Variants in RNF141 observed in about 807,000 individuals in gnomAD.
RNF141 encodes C3HC4-like zinc finger protein.
Under a neutral mutation model 27.4 loss-of-function variants are expected in RNF141, and 18 were observed. The observed-to-expected ratio is 0.66, with a 90% confidence interval of 0.45 to 0.97. The LOEUF (loss-of-function observed/expected upper bound fraction) is 0.97, where lower values mean the gene tolerates loss of function less well. Among genes scored for constraint, RNF141 ranks in the 50% least tolerant of loss-of-function variants. The pLI is 0.00. For missense variants in RNF141, 230 were observed against 279.4 expected (o/e 0.82, Z 1.26); for synonymous variants, 97 against 96.6 (o/e 1.00, Z -0.02).
Position 10,514,829 on chromosome 11 carries a change from G to T in RNF141, c.*87C>A. On this transcript the variant is annotated 3_prime_UTR_variant, in exon 6 of 6. Transcript: ENST00000265981. ...GAGTGGGGAAAATGGATTTTCCTGT[G>T]TCTGTGCCAGTGCCACAACCCTACA... The T allele has an allele frequency of 7.8e-7, 1 of 1,276,508 alleles. No individual in the cohort carries two copies. The highest frequency in any genetic ancestry group is 1.1e-6 in the Non-Finnish European group (1 of 937,048). The allele number at this position is 1,276,508 out of a possible 1,614,324, so 79.1% of individuals were successfully genotyped here. A position where few individuals can be genotyped will look rare whatever the true frequency, so the allele number is the denominator to read the frequency against.
chr11:10,534,778 T>G (rs1000635151), intron 1 of RNF141, among the ~76,000 whole-genome samples: 1 of 152,136 alleles, frequency 6.6e-6, no homozygotes, highest in Non-Finnish European at 1.5e-5. Flanking sequence ...GTACTTACAT[T>G]CTTATCCACT....
chr11:10,517,612 C>T (rs978587534), intron 5 of RNF141: 2 of 151,804 alleles, frequency 1.3e-5, no homozygotes, highest in African/African-American at 4.8e-5. Context: ...ACCTTAAAAA[C>T]AGAGGGAAAA....
intron 4 of RNF141, among the ~76,000 whole-genome samples, chr11:10,524,292 G>T (rs1203911158): frequency 1.3e-5 from 2 of 152,144 alleles, no homozygotes; most frequent in Non-Finnish European, 2.9e-5. Context: ...GCGGGCGCCT[G>T]TAGTCCCAGC....
chr11:10,515,346 A>G (rs1849835027), intron 5 of RNF141: 1 of 332,136 alleles, frequency 3.0e-6, no homozygotes, highest in East Asian at 5.6e-5. Context: ...CCACTTGTCA[A>G]TATATCTTAC....
chr11:10,515,043 G>C lies in RNF141; in HGVS notation c.566C>G (p.Pro189Arg). The C allele has an allele frequency of 6.2e-7, 1 of 1,613,676 alleles. No homozygotes were observed. Among genetic ancestry groups the C allele is most frequent in the Non-Finnish European group, 8.5e-7 (1 of 1,179,836 alleles). ...DKWSDRHRNC[P>R]ICRLQMTGAN... is the part of the protein sequence containing the mutation. ...TCCAGTCATCTGTAGGCGACAAATA[G>C]GGCAATTCCTGTGTCGATCACTCCT... Residue 189 changes from proline to arginine, a missense_variant, in exon 6 of 6, where the codon CCT becomes CGT. Physicochemically the swap from Pro to Arg is moderately radical, Grantham distance 103. Coordinates refer to ENST00000265981, the MANE Select transcript of RNF141 (RefSeq NM_016422.4).
rs535850672 is a variant in RNF141, at chr11:10,512,957, C to G, written c.*1959G>C. 7 of 152,240 alleles carry G rather than the reference C, an allele frequency of 4.6e-5. No individual in the cohort carries two copies. Among genetic ancestry groups the G allele is most frequent in the East Asian group, 3.9e-4 (2 of 5,186 alleles). 9.4% of individuals were successfully genotyped at this position (152,240 alleles called of 1,614,324 possible). On this transcript the variant is annotated 3_prime_UTR_variant, in exon 6 of 6. Coordinates refer to ENST00000265981, the MANE Select transcript of RNF141 (RefSeq NM_016422.4). ...GGGGTATAGGGTATGTGTGTATGCACACGTGTTTAAAGGTTCTGTAAGATT... is the reference window on the plus strand; with the variant it reads ...GGGGTATAGGGTATGTGTGTATGCAGACGTGTTTAAAGGTTCTGTAAGATT...
chr11:10,514,951 T>C lies in RNF141; in HGVS notation c.658A>G (p.Met220Val). 1.2e-6 allele frequency: 2 copies of C among 1,613,746 alleles called. No homozygotes were observed. The highest frequency in any genetic ancestry group is 1.7e-6 in the Non-Finnish European group (2 of 1,179,868). The change falls in exon 6 of 6, where the codon ATG becomes GTG. Residue 220 changes from methionine to valine, a missense_variant. Met to Val is a conservative substitution (Grantham distance 21). Coordinates refer to ENST00000265981, the MANE Select transcript of RNF141 (RefSeq NM_016422.4). The part of the protein sequence containing the change: ...EDDMANYILN[M>V]ADEAGQPHRP ...TGGGGCTGGCCTGCCTCATCAGCCATGTTAAGAATATAGTTAGCCATATCA... is the reference window on the plus strand; with the variant it reads ...TGGGGCTGGCCTGCCTCATCAGCCACGTTAAGAATATAGTTAGCCATATCA...
intron 2 of RNF141, among the ~76,000 whole-genome samples, chr11:10,531,544 G>C (rs1187755054): frequency 6.6e-6 from 1 of 152,120 alleles, no homozygotes; most frequent in African/African-American, 2.4e-5. Context: ...GCTACATCAA[G>C]TAAAACAAAT....
At chr11:10,521,670 T>C (rs1201175535) in intron 4 of RNF141, among the ~76,000 whole-genome samples, 3 of 152,198 alleles carry the variant, frequency 2.0e-5, no homozygotes, top group South Asian at 2.1e-4. Context: ...AAGGAAGAGA[T>C]GAATATATCT....
At chr11:10,529,759 G>A (rs1054996171) in intron 3 of RNF141, among the ~76,000 whole-genome samples, 6 of 152,202 alleles carry the variant, frequency 3.9e-5, no homozygotes, top group African/African-American at 1.4e-4. Context: ...CAGTCTGCTT[G>A]AGAGCATGAA....
At chr11:10,518,999 C>A in intron 5 of RNF141, 35 bp downstream of exon 5, 1 of 1,547,420 alleles carries the variant, frequency 6.5e-7, no homozygotes, top group Non-Finnish European at 8.9e-7. Context: ...TCCCACTGAC[C>A]TTGGCCCAGC....
At chr11:10,522,518 C>T (rs1207887091) in intron 4 of RNF141, among the ~76,000 whole-genome samples, 1 of 152,158 alleles carries the variant, frequency 6.6e-6, no homozygotes, top group African/African-American at 2.4e-5. Context: ...GGCACACATA[C>T]TGACAGAGAA....
chr11:10,518,909 T>A, intron 5 of RNF141, 125 bp downstream of exon 5: 1 of 614,500 alleles, frequency 1.6e-6, no homozygotes, highest in Non-Finnish European at 2.8e-6. Context: ...GCCATAAAAT[T>A]CAAAGTACTA....
chr11:10,516,413 C>G (rs1014094025), intron 5 of RNF141: 1 of 152,202 alleles, frequency 6.6e-6, no homozygotes, highest in Non-Finnish European at 1.5e-5. Flanking sequence ...AGCTTACAGC[C>G]TCGAGAGTTT....
At chr11:10,520,151 C>T (rs1161062596) in intron 4 of RNF141, among the ~76,000 whole-genome samples, 2 of 152,100 alleles carry the variant, frequency 1.3e-5, no homozygotes, top group African/African-American at 4.8e-5. Flanking sequence ...GAACACTGTA[C>T]ATTTAGGCTA....
chr11:10,540,574 A>G (rs1272311732), intron 1 of RNF141, among the ~76,000 whole-genome samples: 3 of 152,222 alleles, frequency 2.0e-5, no homozygotes, highest in Non-Finnish European at 4.4e-5. Context: ...TGGGAAGGGT[A>G]GCAGCCTAAG....
intron 1 of RNF141, among the ~76,000 whole-genome samples, chr11:10,539,290 T>C: frequency 6.6e-6 from 1 of 152,088 alleles, no homozygotes; most frequent in East Asian, 1.9e-4. Context: ...ATTCATAAAA[T>C]AACTAAAGCA....
intron 2 of RNF141, chr11:10,532,141 G>A (rs1177804135): frequency 1.6e-5 from 4 of 253,458 alleles, no homozygotes; most frequent in East Asian, 1.3e-4. Context: ...ACAATAGACA[G>A]GGTTTATGAA....
At chr11:10,526,002 A>AAAC (rs1849933049) in intron 3 of RNF141, among the ~76,000 whole-genome samples, 1 of 152,178 alleles carries the variant, frequency 6.6e-6, no homozygotes, top group African/African-American at 2.4e-5. Context: ...AATCTAATGT[A>AAAC]GAAGATACTT....
Sources: gnomAD v4.1 joint callset for allele counts (sites outside exome capture counted in the v4.1 genomes callset) on GRCh38, gnomAD v4.1.1 for gene constraint, MANE v1.5 for transcripts, NCBI Gene and HGNC (gene_info 2026-07-23, HGNC 2026-07-21) for gene names.